Variants in NFIB observed in about 807,000 individuals in gnomAD.
NFIB encodes the protein nuclear factor 1 B-type.
Under a neutral mutation model 61.5 loss-of-function variants are expected in NFIB, and 11 were observed. That is an observed-to-expected ratio of 0.18 (90% CI 0.11 to 0.30). The LOEUF (loss-of-function observed/expected upper bound fraction) is 0.30, where lower values mean the gene tolerates loss of function less well. NFIB is among the 10% of genes least tolerant of loss of function. The probability of loss-of-function intolerance (pLI) is 1.00; values close to 1 mark genes in which losing one functional copy is unlikely to be tolerated. For synonymous variants in NFIB, 260 were observed against 216.5 expected (o/e 1.20, Z -1.76); for missense variants, 471 against 608.9 (o/e 0.77, Z 2.38).
rs142740114 is a variant in NFIB, at chr9:14,356,824, CTT to C, written c.108+41698_108+41699del. Among the ~76,000 whole-genome samples the C allele has an allele frequency of 8.3e-3, 1,263 of 152,242 alleles. 14 individuals carry two copies. Among genetic ancestry groups the C allele is most frequent in the African/African-American group, 0.029 (1,204 of 41,524 alleles). ...AGTGGATTCTAATTTGGAAGGGAAA[CTT>C]TTGCTCTTGCTGAAAGGAATGTCAG... On this transcript the variant is annotated intron_variant, in intron 1 of 8. Transcript: ENST00000380934.
chr9:14,255,634 C>T (rs2056146639), intron 2 of NFIB, among the ~76,000 whole-genome samples: 1 of 152,120 alleles, frequency 6.6e-6, no homozygotes, highest in Admixed American at 6.5e-5. Context: ...GACAGATTAA[C>T]CCTCCTAACA....
At chr9:14,287,788 T>G (rs1226243745) in intron 2 of NFIB, among the ~76,000 whole-genome samples, 1 of 152,046 alleles carries the variant, frequency 6.6e-6, no homozygotes, top group South Asian at 2.1e-4. Context: ...GGAAGAGGCA[T>G]CATTTACAGA....
chr9:14,172,550 T>C (rs1169203206), intron 3 of NFIB, among the ~76,000 whole-genome samples: 2 of 152,242 alleles, frequency 1.3e-5, no homozygotes, highest in Non-Finnish European at 2.9e-5. Context: ...ATGTCAATAC[T>C]GAGATTTATG....
chr9:14,193,341 T>C (rs1280464921), intron 2 of NFIB, among the ~76,000 whole-genome samples: 3 of 152,166 alleles, frequency 2.0e-5, no homozygotes, highest in East Asian at 1.9e-4. Context: ...ATAAGTTTGA[T>C]TATTTTTGTA....
Position 14,365,041 on chromosome 9 carries a change from G to A in NFIB, c.108+33483C>T, listed in dbSNP as rs148276526. 5.3e-3 allele frequency among the ~76,000 whole-genome samples: 812 copies of A among 152,170 alleles called. 5 individuals are homozygous for A. The highest frequency in any genetic ancestry group is 0.019 in the African/African-American group (774 of 41,510). ...CTCATTTTCATTGTCTGTAAAATAG[G>A]CCTAACAATAGTTCCAATTTCAGAG... On this transcript the variant is annotated intron_variant, in intron 1 of 8. Transcript: ENST00000380934.
In NFIB at chr9:14,246,679, G is replaced by A. The variant is rs116543372; in HGVS notation, c.562+60310C>T. 4.7e-3 allele frequency among the ~76,000 whole-genome samples: 711 copies of A among 152,262 alleles called. 3 individuals are homozygous for A. Among genetic ancestry groups the A allele is most frequent in the African/African-American group, 0.016 (680 of 41,542 alleles). ...CCCCAAATTAACAGGCAAATATTAG[G>A]AAACATCCTATGCCAAACCCTCTTA... On this transcript the variant is annotated intron_variant, in intron 2 of 10. Transcript: ENST00000380953.
chr9:14,255,286 A>AT (rs1461342275), intron 2 of NFIB, among the ~76,000 whole-genome samples: 1 of 152,188 alleles, frequency 6.6e-6, no homozygotes, highest in African/African-American at 2.4e-5. Context: ...ACACTTGGAC[A>AT]TTTTTTGATT....
chr9:14,519,390 C>G, the NFIB span, among the ~76,000 whole-genome samples: 1 of 152,046 alleles, frequency 6.6e-6, no homozygotes, highest in African/African-American at 2.4e-5. Flanking sequence ...TAAACAGGAG[C>G]TCAGAGTCTG....
chr9:14,430,259 T>G, the NFIB span, among the ~76,000 whole-genome samples: 1 of 152,106 alleles, frequency 6.6e-6, no homozygotes, highest in Non-Finnish European at 1.5e-5. Context: ...CAAACTCTAG[T>G]AGATCACTGA....
Position 14,270,705 on chromosome 9 carries a change from G to C in NFIB, c.562+36284C>G, listed in dbSNP as rs73645031. Among the ~76,000 whole-genome samples, 871 of 149,770 alleles carry C rather than the reference G, an allele frequency of 5.8e-3. 4 individuals are homozygous for C. Among genetic ancestry groups the C allele is most frequent in the African/African-American group, 0.02 (827 of 40,854 alleles). On this transcript the variant is annotated intron_variant, in intron 2 of 10. Transcript: ENST00000380953. Reference sequence around the variant, plus strand: ...CCAAGACTGATTTTAATTTTAAAAAGTAAGGTGTCTCTTTGCAACATTTTA... The same window carrying C: ...CCAAGACTGATTTTAATTTTAAAAACTAAGGTGTCTCTTTGCAACATTTTA...
chr9:14,315,404 C>G (rs1228464811), upstream of NFIB, among the ~76,000 whole-genome samples: 1 of 149,754 alleles, frequency 6.7e-6, no homozygotes, highest in Admixed American at 6.6e-5. Context: ...CGCCCGGCTT[C>G]GCTCTCCTCC....
intron 2 of NFIB, among the ~76,000 whole-genome samples, chr9:14,188,992 T>C (rs1292698837): frequency 6.6e-6 from 1 of 152,236 alleles, no homozygotes; most frequent in East Asian, 1.9e-4. Flanking sequence ...GCAATGTTTA[T>C]GATCCTATTA....
intron 1 of NFIB, among the ~76,000 whole-genome samples, chr9:14,384,762 C>T (rs2061530114): frequency 6.6e-6 from 1 of 151,896 alleles, no homozygotes; most frequent in African/African-American, 2.4e-5. Flanking sequence ...GGTATCAAAC[C>T]CTCTCTTTCA....
chr9:14,149,507 T>A (rs1307644566), intron 5 of NFIB, among the ~76,000 whole-genome samples: 2 of 151,416 alleles, frequency 1.3e-5, no homozygotes, highest in African/African-American at 4.9e-5. Context: ...GCAATTACAA[T>A]GAGAAGATCA....
intron 1 of NFIB, among the ~76,000 whole-genome samples, chr9:14,327,108 T>C (rs1437934010): frequency 6.6e-6 from 1 of 152,206 alleles, no homozygotes; most frequent in Non-Finnish European, 1.5e-5. Flanking sequence ...AAGGTATTTT[T>C]TTTTTAACCA....
intron 1 of NFIB, among the ~76,000 whole-genome samples, chr9:14,393,571 G>T (rs927015875): frequency 1.3e-5 from 2 of 152,138 alleles, no homozygotes; most frequent in East Asian, 3.8e-4. Context: ...TCCACATTTA[G>T]CTCTGAGTCC....
chr9:14,497,692 C>A, the NFIB span, among the ~76,000 whole-genome samples: 1 of 152,198 alleles, frequency 6.6e-6, no homozygotes. Context: ...TCACTGTACA[C>A]GTGCTTTATC....
the NFIB span, among the ~76,000 whole-genome samples, chr9:14,509,921 G>C: frequency 6.6e-6 from 1 of 152,176 alleles, no homozygotes; most frequent in Non-Finnish European, 1.5e-5. Context: ...TTTTGAGACA[G>C]AGTCTCGCTC....
the NFIB span, among the ~76,000 whole-genome samples, chr9:14,480,265 C>A: frequency 6.6e-5 from 10 of 151,970 alleles, no homozygotes; most frequent in African/African-American, 1.9e-4. Flanking sequence ...TTACCTTGCC[C>A]AGAATTTGAA....
Sources: allele counts gnomAD v4.1 joint callset (sites outside exome capture counted in the v4.1 genomes callset), GRCh38; gene constraint gnomAD v4.1.1; transcripts MANE v1.5; gene names NCBI Gene and HGNC (gene_info 2026-07-23, HGNC 2026-07-21).